The following CCNL1 variants were observed in gnomAD, a reference collection of about 807,000 sequenced individuals.
CCNL1 encodes the protein cyclin-L1.
CCNL1 carries 13 observed loss-of-function variants against 60.6 expected under a neutral mutation model. The ratio of observed to expected loss-of-function variants is 0.21; its 90% CI spans 0.14 to 0.34. The LOEUF is 0.34. Ranked by LOEUF, CCNL1 falls within the 10% of genes least tolerant of loss-of-function variation. CCNL1 has a pLI of 1.00. For missense variants in CCNL1, 481 were observed against 664.3 expected, an observed-to-expected ratio of 0.72 and a Z score of 3.03; for synonymous variants, 270 against 244.3, an observed-to-expected ratio of 1.10 and a Z score of -0.98.
intron 5 of CCNL1, chr3:157,150,641 A>C: frequency 8.6e-7 from 1 of 1,157,268 alleles, no homozygotes; most frequent in South Asian, 3.2e-5. Flanking sequence ...ACTAGAAATT[A>C]CTCCTAAAAA....
chr3:157,143,913 A>G (rs1461186797), downstream of CCNL1, among the ~76,000 whole-genome samples: 1 of 152,168 alleles, frequency 6.6e-6, no homozygotes, highest in East Asian at 1.9e-4. Flanking sequence ...GAGGCTTTAT[A>G]TATTAGAGCA....
At chr3:157,148,740 T>A in intron 10 of CCNL1, 151 bp from the exon 11 acceptor site, 1 of 641,004 alleles carries the variant, frequency 1.6e-6, no homozygotes, top group Non-Finnish European at 2.7e-6. Flanking sequence ...CACTGCTGTA[T>A]GCCCAAGCCT....
At chr3:157,152,683 TATG>T (rs1469003331) in intron 4 of CCNL1, 2 of 1,108,882 alleles carry the variant, frequency 1.8e-6, no homozygotes, top group Middle Eastern at 4.1e-4. Context: ...AACATTCTAC[TATG>T]ATGATAAGTG....
At chr3:157,158,289 C>T (rs1738781344) in intron 3 of CCNL1, among the ~76,000 whole-genome samples, 1 of 152,232 alleles carries the variant, frequency 6.6e-6, no homozygotes, top group Non-Finnish European at 1.5e-5. Flanking sequence ...CTAACCAAAA[C>T]AAAATACCTG....
rs1182420256 is a variant in CCNL1, at chr3:157,159,101, C to G, written c.379-126G>C. On this transcript the variant is annotated intron_variant, in intron 2 of 10. Coordinates refer to ENST00000295926, the MANE Select transcript of CCNL1 (RefSeq NM_020307.4). Reference sequence around the variant, plus strand: ...AAGACATCTCTATGCCGTAAGTCTACCAGCTATGCTAGTACTATACTTTTT... The same window carrying G: ...AAGACATCTCTATGCCGTAAGTCTAGCAGCTATGCTAGTACTATACTTTTT... 3 of 678,248 alleles carry G rather than the reference C, an allele frequency of 4.4e-6. No homozygotes were observed. The African/African-American group carries it at 5.4e-5, about 12-fold the overall frequency. The allele number at this position is 678,248 out of a possible 1,614,324, so 42.0% of individuals were successfully genotyped here.
In CCNL1 at chr3:157,149,355, A is replaced by C. The variant is rs768037846; in HGVS notation, c.1164T>G (p.Asn388Lys). The change falls in exon 10 of 11, where the codon AAT becomes AAG. Residue 388 changes from asparagine (N) to lysine (K), a missense_variant. Coordinates refer to ENST00000295926, the MANE Select transcript of CCNL1 (RefSeq NM_020307.4). Reference sequence around the variant, plus strand: ...ACCTCGATCGACTTGCACTTCTGCTATTTCTACTTCTCTTGCTGTCTTTTC... The same window carrying C: ...ACCTCGATCGACTTGCACTTCTGCTCTTTCTACTTCTCTTGCTGTCTTTTC... Reference protein sequence around the residue: ...GVRKDSKRSRNSRSASRSRSR... With the variant: ...GVRKDSKRSRKSRSASRSRSR... 6.2e-7 allele frequency: 1 copy of C among 1,614,054 alleles called. No individual in the cohort carries two copies. Among genetic ancestry groups the C allele is most frequent in the African/African-American group, 1.3e-5 (1 of 75,046 alleles).
At chr3:157,153,203 A>G in intron 3 of CCNL1, 47 bp from the exon 4 acceptor site, 2 of 1,573,480 alleles carry the variant, frequency 1.3e-6, no homozygotes, top group Non-Finnish European at 1.7e-6. Flanking sequence ...CACATCCAAA[A>G]AATTTTATTT....
chr3:157,145,336 G>T (rs905764297), downstream of CCNL1, among the ~76,000 whole-genome samples: 2 of 150,716 alleles, frequency 1.3e-5, no homozygotes, highest in Non-Finnish European at 2.9e-5. Context: ...TACTCAGGAG[G>T]CTGAGGCAGG....
At position 157,160,082 on chromosome 3, in the gene CCNL1, G is replaced by T; in HGVS notation, c.13C>A (p.Pro5Thr). Reference sequence around the variant, plus strand: ...GCGGCAGCAGTAGCTGTCGAATGAGGCCCGGACGCCATAGTCTTAGCGAGC... The same window carrying T: ...GCGGCAGCAGTAGCTGTCGAATGAGTCCCGGACGCCATAGTCTTAGCGAGC... MASG[P>T]HSTATAAAAA... The change falls in exon 1 of 11, where the codon CCT becomes ACT. Residue 5 changes from proline to threonine, a missense_variant. Physicochemically the swap from Pro to Thr is conservative, Grantham distance 38 (BLOSUM62 -1). Transcript: ENST00000295926. 1 of 1,551,526 alleles carries T rather than the reference G, an allele frequency of 6.4e-7. No homozygotes were observed.
chr3:157,158,828 G>T, intron 3 of CCNL1, 38 bp downstream of exon 3: 1 of 1,291,784 alleles, frequency 7.7e-7, no homozygotes, highest in Non-Finnish European at 1.1e-6. Flanking sequence ...CGGTACAGCA[G>T]TAGCAAGAGA....
At chr3:157,146,630 TA>T (rs78787088), downstream of CCNL1, 90,990 of 337,782 alleles carry the variant, frequency 0.27, 12,053 homozygotes, top group Admixed American at 0.47. Context: ...AAAAAAAAGT[TA>T]AAAAAAAAAA....
chr3:157,145,012 AATTAGTC>A (rs1737738813), downstream of CCNL1, among the ~76,000 whole-genome samples: 1 of 152,196 alleles, frequency 6.6e-6, no homozygotes, highest in African/African-American at 2.4e-5. Flanking sequence ...CAGTTCTAAG[AATTAGTC>A]ATTTTTATGT....
intron 3 of CCNL1, among the ~76,000 whole-genome samples, chr3:157,157,614 C>A (rs1738720098): frequency 6.6e-6 from 1 of 152,166 alleles, no homozygotes. Flanking sequence ...AATTTGAAAT[C>A]TTCCCAATTC....
intron 5 of CCNL1, chr3:157,151,036 T>C (rs1436419583): frequency 2.0e-6 from 2 of 985,060 alleles, no homozygotes; most frequent in Non-Finnish European, 2.4e-6. Context: ...CCCCACAACA[T>C]TCCTAAACTA....
chr3:157,159,664 TG>T, intron 1 of CCNL1, 127 bp downstream of exon 1: 1 of 1,071,320 alleles, frequency 9.3e-7, no homozygotes. Flanking sequence ...CGGCCGCGGC[TG>T]GGCCCCGAAC....
chr3:157,150,029 T>C, intron 7 of CCNL1, 36 bp downstream of exon 7: 1 of 1,609,142 alleles, frequency 6.2e-7, no homozygotes. Flanking sequence ...GCTTGGACTC[T>C]TAGCATGTTG....
Position 157,149,582 on chromosome 3 carries a change from C to T in CCNL1, c.1036G>A (p.Val346Ile). The change falls in exon 9 of 11, where the codon GTA becomes ATA. Residue 346 changes from valine to isoleucine, a missense_variant. Around this residue, in one of 5 missense-constraint regions of CCNL1, gnomAD observed 197 missense variants for 233.9 expected, o/e 0.84. Coordinates refer to ENST00000295926, the MANE Select transcript of CCNL1 (RefSeq NM_020307.4). ...PASKPSSPRE[V>I]KAEEKSPISI... ...ATTGGTGATTTCTCTTCAGCTTTTACTTCTCTTGGTGATGCTTTTAAAAGA... is the reference window on the plus strand; with the variant it reads ...ATTGGTGATTTCTCTTCAGCTTTTATTTCTCTTGGTGATGCTTTTAAAAGA... 1 of 1,613,526 alleles carries T rather than the reference C, an allele frequency of 6.2e-7. No homozygotes were observed. Among genetic ancestry groups the T allele is most frequent in the Non-Finnish European group, 8.5e-7 (1 of 1,179,726 alleles).
intron 3 of CCNL1, chr3:157,154,636 C>T (rs1284555802): frequency 1.3e-5 from 2 of 152,186 alleles, no homozygotes; most frequent in African/African-American, 2.4e-5. Context: ...AGTCAGTTAT[C>T]ATACATTTTC....
intron 5 of CCNL1, chr3:157,150,949 C>T (rs1738145888): frequency 1.0e-6 from 1 of 984,204 alleles, no homozygotes; most frequent in South Asian, 4.7e-5. Context: ...GCCTTGTTTA[C>T]ATACCTTTTT....
Sources: allele counts gnomAD v4.1 joint callset (sites outside exome capture counted in the v4.1 genomes callset), GRCh38; gene constraint gnomAD v4.1.1; regional missense constraint gnomAD v4.1.1; transcripts MANE v1.5; gene names NCBI Gene and HGNC (gene_info 2026-07-23, HGNC 2026-07-21).